The following HSD17B12 variants were observed in gnomAD, a reference collection of about 807,000 sequenced individuals.
The protein encoded by HSD17B12 is hydroxysteroid 17-beta dehydrogenase 12, also known as very-long-chain 3-oxoacyl-CoA reductase.
In HSD17B12, 32 loss-of-function variants were observed where a neutral mutation model predicts 39.3. That is an observed-to-expected ratio of 0.81 (90% CI 0.61 to 1.09). The LOEUF is 1.09. Among genes scored for constraint, HSD17B12 ranks in the 50% least tolerant of loss-of-function variants. HSD17B12 has a pLI of 0.00. For synonymous variants in HSD17B12, 150 were observed against 146.7 expected (o/e 1.02, Z -0.16); for missense variants, 342 against 382.9 (o/e 0.89, Z 0.89).
At chr11:43,834,786 C>T (rs535413209) in intron 7 of HSD17B12, among the ~76,000 whole-genome samples, 4 of 151,868 alleles carry the variant, frequency 2.6e-5, no homozygotes, top group South Asian at 4.2e-4. Context: ...TAGAGTTGGG[C>T]GAATTTAATG....
the HSD17B12 span, among the ~76,000 whole-genome samples, chr11:43,568,777 T>A: frequency 0.03 from 4,521 of 152,222 alleles, 152 homozygotes; most frequent in South Asian, 0.092. Context: ...GAACTCAGAG[T>A]CTAGCATGGG....
At chr11:43,735,513 T>C (rs1480421691) in intron 1 of HSD17B12, among the ~76,000 whole-genome samples, 1 of 152,246 alleles carries the variant, frequency 6.6e-6, no homozygotes, top group Non-Finnish European at 1.5e-5. Context: ...GTTGAGCTTT[T>C]TTCTTATGCC....
At chr11:43,709,341 G>T (rs1468102560) in intron 1 of HSD17B12, among the ~76,000 whole-genome samples, 1 of 152,214 alleles carries the variant, frequency 6.6e-6, no homozygotes, top group Non-Finnish European at 1.5e-5. Flanking sequence ...GGCCAGGCTG[G>T]TTGCAAACTC....
the HSD17B12 span, among the ~76,000 whole-genome samples, chr11:43,622,633 AT>A: frequency 8.6e-5 from 13 of 150,924 alleles, no homozygotes; most frequent in African/African-American, 2.2e-4. Flanking sequence ...TAGAATCTGC[AT>A]TTTTTTTTAG....
intron 9 of HSD17B12, among the ~76,000 whole-genome samples, chr11:43,849,557 AC>A (rs1050015269): frequency 2.6e-5 from 4 of 152,090 alleles, no homozygotes; most frequent in Non-Finnish European, 4.4e-5. Context: ...AAGGCTCTTC[AC>A]CCAGATATTC....
chr11:43,734,262 C>T lies in HSD17B12; in HGVS notation c.161-16649C>T, dbSNP rs537038509. On this transcript the variant is annotated intron_variant, in intron 1 of 10. Coordinates refer to ENST00000278353, the MANE Select transcript of HSD17B12 (RefSeq NM_016142.3). ...TTCATCCTGGACTACGTGTCCTTGA[C>T]ACATCTGACTTTCAGGAAGGAGTTC... The T allele has an allele frequency of 3.0e-6, 4 of 1,315,172 alleles. No individual in the cohort carries two copies. The African/African-American group carries it at 4.3e-5, about 14-fold the overall frequency. 81.5% of individuals were successfully genotyped at this position (1,315,172 alleles called of 1,614,324 possible).
chr11:43,812,430 A>G (rs900308810), intron 4 of HSD17B12, among the ~76,000 whole-genome samples: 4 of 152,290 alleles, frequency 2.6e-5, no homozygotes, highest in Middle Eastern at 3.4e-3. Flanking sequence ...GGGTAAGATG[A>G]TATCTCATTG....
chr11:43,676,243 T>TG (rs1554958188), upstream of HSD17B12, among the ~76,000 whole-genome samples: 53 of 62,256 alleles, frequency 8.5e-4, no homozygotes, highest in South Asian at 2.0e-3. Flanking sequence ...GTGTATGTGT[T>TG]AAGCGTAGAG....
intron 3 of HSD17B12, among the ~76,000 whole-genome samples, chr11:43,778,999 GA>G (rs1950738543): frequency 6.6e-6 from 1 of 152,136 alleles, no homozygotes; most frequent in Non-Finnish European, 1.5e-5. Flanking sequence ...TGGTATTGTA[GA>G]AAGTTTATTT....
the HSD17B12 span, among the ~76,000 whole-genome samples, chr11:43,565,894 A>G: frequency 6.6e-6 from 1 of 152,240 alleles, no homozygotes; most frequent in Admixed American, 6.5e-5. Context: ...TGCTTCTTCC[A>G]TCGGTCCTGA....
chr11:43,781,756 A>C (rs755858982), intron 3 of HSD17B12, among the ~76,000 whole-genome samples: 1 of 152,170 alleles, frequency 6.6e-6, no homozygotes. Context: ...TTAAAAATGA[A>C]ATTTTATTGT....
intron 4 of HSD17B12, 95 bp from the exon 5 acceptor site, chr11:43,815,342 A>T: frequency 1.7e-6 from 1 of 572,532 alleles, no homozygotes. Context: ...ATAATTATAT[A>T]TATCATATTA....
At chr11:43,825,596 A>G (rs902633851) in intron 6 of HSD17B12, among the ~76,000 whole-genome samples, 3 of 152,210 alleles carry the variant, frequency 2.0e-5, no homozygotes, top group Non-Finnish European at 2.9e-5. Flanking sequence ...AACCCTCACC[A>G]CTAATCCCCA....
At chr11:43,804,039 G>A (rs1483000032) in intron 4 of HSD17B12, among the ~76,000 whole-genome samples, 3 of 152,184 alleles carry the variant, frequency 2.0e-5, no homozygotes, top group African/African-American at 7.2e-5. Flanking sequence ...AAGGCCAAAA[G>A]AGTAGGCTTG....
chr11:43,705,761 C>CTTTTTTTTT (rs56979348), intron 1 of HSD17B12, among the ~76,000 whole-genome samples: 1 of 62,476 alleles, frequency 1.6e-5, no homozygotes, highest in African/African-American at 6.9e-5. Flanking sequence ...CCTCTCTCCT[C>CTTTTTTTTT]TTTTTTTTTT....
chr11:43,642,134 A>T, the HSD17B12 span, among the ~76,000 whole-genome samples: 5 of 151,786 alleles, frequency 3.3e-5, no homozygotes, highest in Non-Finnish European at 5.9e-5. Context: ...GTTTTAAAAA[A>T]ATATACTTTA....
chr11:43,772,531 C>T (rs1186095138), intron 3 of HSD17B12, among the ~76,000 whole-genome samples: 1 of 152,202 alleles, frequency 6.6e-6, no homozygotes, highest in East Asian at 1.9e-4. Context: ...CATCATTTTA[C>T]ATAGCAACAT....
At chr11:43,723,108 AT>A (rs965514570) in intron 1 of HSD17B12, among the ~76,000 whole-genome samples, 4 of 152,186 alleles carry the variant, frequency 2.6e-5, no homozygotes, top group Non-Finnish European at 4.4e-5. Flanking sequence ...CATTTTTACT[AT>A]TAAAAAAAGG....
intron 7 of HSD17B12, among the ~76,000 whole-genome samples, chr11:43,834,409 TTC>T (rs1951347546): frequency 6.6e-6 from 1 of 151,942 alleles, no homozygotes; most frequent in African/African-American, 2.4e-5. Context: ...TACAATCAAA[TTC>T]TGTATGCAGT....
Sources: allele counts gnomAD v4.1 joint callset (sites outside exome capture counted in the v4.1 genomes callset), GRCh38; gene constraint gnomAD v4.1.1; transcripts MANE v1.5; gene names NCBI Gene and HGNC (gene_info 2026-07-23, HGNC 2026-07-21).